Variants in PDZRN3 observed in about 807,000 individuals in gnomAD.
PDZRN3 encodes E3 ubiquitin-protein ligase PDZRN3.
In PDZRN3, 38 loss-of-function variants were observed where a neutral mutation model predicts 85.7. The observed-to-expected ratio is 0.44, with a 90% CI of 0.34 to 0.58. The LOEUF (loss-of-function observed/expected upper bound fraction) is 0.58. Ranked by LOEUF, PDZRN3 falls within the 20% of genes least tolerant of loss-of-function variation. The probability of loss-of-function intolerance (pLI) is 0.01; values close to 1 mark genes in which losing one functional copy is unlikely to be tolerated. For synonymous variants in PDZRN3, 759 were observed against 638.0 expected (o/e 1.19, Z -2.86); for missense variants, 1,629 against 1,506.4 (o/e 1.08, Z -1.35).
intron 3 of PDZRN3, among the ~76,000 whole-genome samples, chr3:73,583,255 T>C (rs927502587): frequency 2.0e-5 from 3 of 152,190 alleles, no homozygotes; most frequent in Non-Finnish European, 4.4e-5. Flanking sequence ...AGCAAAAATA[T>C]CAGAGCTGGG....
intron 3 of PDZRN3, among the ~76,000 whole-genome samples, chr3:73,572,109 A>G (rs1313811452): frequency 6.6e-6 from 1 of 152,210 alleles, no homozygotes; most frequent in East Asian, 1.9e-4. Context: ...AGCTGGAGTG[A>G]ATAGGTGGAA....
chr3:73,488,383 A>C (rs188050961), intron 3 of PDZRN3, among the ~76,000 whole-genome samples: 166 of 152,282 alleles, frequency 1.1e-3, no homozygotes, highest in African/African-American at 3.9e-3. Flanking sequence ...CCTAGTCCCC[A>C]GGCCCCAGTC....
At chr3:73,472,776 G>T in intron 3 of PDZRN3, among the ~76,000 whole-genome samples, 1 of 152,108 alleles carries the variant, frequency 6.6e-6, no homozygotes. Flanking sequence ...ACAAATTATG[G>T]GTAGCTGGTA....
intron 3 of PDZRN3, among the ~76,000 whole-genome samples, chr3:73,563,750 C>A (rs755187616): frequency 3.3e-5 from 5 of 152,166 alleles, no homozygotes; most frequent in African/African-American, 4.8e-5. Context: ...CTGACTCCTG[C>A]TCTACATGCT....
chr3:73,613,997 T>A (rs1439714012), intron 1 of PDZRN3, among the ~76,000 whole-genome samples: 1 of 152,058 alleles, frequency 6.6e-6, no homozygotes, highest in Non-Finnish European at 1.5e-5. Flanking sequence ...ACATGAACCA[T>A]CCAAAGTGCC....
At chr3:73,541,057 G>A (rs995787282) in intron 3 of PDZRN3, among the ~76,000 whole-genome samples, 9 of 152,096 alleles carry the variant, frequency 5.9e-5, no homozygotes, top group African/African-American at 2.2e-4. Context: ...GGGAACTTGT[G>A]GAAAACTTTT....
In PDZRN3 at chr3:73,404,161, G is replaced by C. The variant is rs1701807145; in HGVS notation, c.1153C>G (p.Leu385Val). ...SPSPPVLDPYLLPEEHPSAHE... is the reference protein window; with the variant it reads ...SPSPPVLDPYVLPEEHPSAHE... The stretch of plus-strand genomic sequence containing the variant: ...TAGGTTACTTACTCCTCTGGCAAGA[G>C]ATAGGGATCCAGCACGGGTGGGCTG... Residue 385 changes from leucine (L) to valine (V), a missense_variant, in exon 4 of 10, where the codon CTC becomes GTC. By Grantham distance (32) the Leu-to-Val change is conservative. Coordinates refer to ENST00000263666, the MANE Select transcript of PDZRN3 (RefSeq NM_015009.3). The C allele has an allele frequency of 2.5e-6, 4 of 1,613,912 alleles. No homozygotes were observed. The highest frequency in any genetic ancestry group is 3.4e-6 in the Non-Finnish European group (4 of 1,179,800).
At chr3:73,424,173 C>T (rs1702259564) in intron 3 of PDZRN3, among the ~76,000 whole-genome samples, 1 of 151,726 alleles carries the variant, frequency 6.6e-6, no homozygotes, top group African/African-American at 2.4e-5. Flanking sequence ...CAAGCACAAA[C>T]CAAAAGAAAA....
At position 73,624,286 on chromosome 3, in the gene PDZRN3, CAGCGCGCCCAGGCGGGCCTGG is replaced by C. The variant is rs1345327127; in HGVS notation, c.519_539del (p.Gln174_Leu180del). ...GCGCCTCCTTCTTGAGCGCCTTGTG[CAGCGCGCCCAGGCGGGCCTGG>C]AGCGCGCCGTTGTGCGCCCGCAGCG... is the stretch of plus-strand genomic sequence containing the variant. On this transcript the variant is annotated inframe_deletion, in exon 1 of 10. Coordinates refer to ENST00000263666, the MANE Select transcript of PDZRN3 (RefSeq NM_015009.3). 3.6e-6 allele frequency: 5 copies of C among 1,375,250 alleles called. No homozygotes were observed. The highest frequency in any genetic ancestry group is 3.0e-5 in the East Asian group (1 of 32,802). 85.2% of individuals were successfully genotyped at this position (1,375,250 alleles called of 1,614,324 possible).
At position 73,383,656 on chromosome 3, in the gene PDZRN3, C is replaced by A; in HGVS notation, c.2910G>T (p.Gly970=). 1 of 1,613,106 alleles carries A rather than the reference C, an allele frequency of 6.2e-7. No individual in the cohort carries two copies. Among genetic ancestry groups the A allele is most frequent in the Non-Finnish European group, 8.5e-7 (1 of 1,180,020 alleles). Reference sequence around the variant, plus strand: ...TCCTCTCCTCCTTGCTCCAGTAGCGCCCCATCTTCATCTCGCTCACCGCGT... The same window carrying A: ...TCCTCTCCTCCTTGCTCCAGTAGCGACCCATCTTCATCTCGCTCACCGCGT... ...DDDAVSEMKM[G]RYWSKEERKQ... is the part of the protein sequence containing the mutation. The change falls in exon 10 of 10, where the codon GGG becomes GGT. Residue 970 remains glycine, a synonymous_variant. Coordinates refer to ENST00000263666, the MANE Select transcript of PDZRN3 (RefSeq NM_015009.3).
At position 73,432,278 on chromosome 3, in the gene PDZRN3, C is replaced by T. The variant is rs1242261082; in HGVS notation, c.919-27883G>A. ...ATCACACAAGGGATGGGGGCCAGATCGCCAGTGGTGAAAGCGCTTTTGCCC... is the reference window on the plus strand; with the variant it reads ...ATCACACAAGGGATGGGGGCCAGATTGCCAGTGGTGAAAGCGCTTTTGCCC... On this transcript the variant is annotated intron_variant, in intron 3 of 9. Transcript: ENST00000263666. Among the ~76,000 whole-genome samples, 7 of 152,190 alleles carry T rather than the reference C, an allele frequency of 4.6e-5. No homozygotes were observed. The East Asian group carries it at 7.7e-4, about 17-fold the overall frequency.
chr3:73,428,501 A>G (rs1702363874), intron 3 of PDZRN3, among the ~76,000 whole-genome samples: 1 of 152,230 alleles, frequency 6.6e-6, no homozygotes, highest in African/African-American at 2.4e-5. Flanking sequence ...TTTACAGTGT[A>G]ACATGGGAGG....
At chr3:73,529,285 T>C (rs1218882114) in intron 3 of PDZRN3, among the ~76,000 whole-genome samples, 4 of 152,182 alleles carry the variant, frequency 2.6e-5, no homozygotes, top group African/African-American at 9.7e-5. Context: ...AAGTGTTTGG[T>C]GCCGGCACCC....
At chr3:73,470,836 T>G (rs1450080956) in intron 3 of PDZRN3, among the ~76,000 whole-genome samples, 1 of 152,220 alleles carries the variant, frequency 6.6e-6, no homozygotes, top group African/African-American at 2.4e-5. Context: ...ATTGTTAGTA[T>G]GTGCTATTCT....
chr3:73,499,377 C>T lies in PDZRN3; in HGVS notation c.919-94982G>A, dbSNP rs564359967. Among the ~76,000 whole-genome samples, 15 of 152,302 alleles carry T rather than the reference C, an allele frequency of 9.8e-5. No homozygotes were observed. The South Asian group carries it at 2.3e-3, about 23-fold the overall frequency. ...GACGCTGGTAACTCACATGGCCACACGCTGTGGTTTTCACACATGTAGGCT... is the reference window on the plus strand; with the variant it reads ...GACGCTGGTAACTCACATGGCCACATGCTGTGGTTTTCACACATGTAGGCT... On this transcript the variant is annotated intron_variant, in intron 3 of 9. Coordinates refer to ENST00000263666, the MANE Select transcript of PDZRN3 (RefSeq NM_015009.3).
chr3:73,460,547 A>G (rs1575669031), intron 3 of PDZRN3, among the ~76,000 whole-genome samples: 1 of 152,200 alleles, frequency 6.6e-6, no homozygotes, highest in South Asian at 2.1e-4. Context: ...AAATTTAAAA[A>G]TTCTCCACAG....
At chr3:73,591,453 T>C (rs563421513) in intron 3 of PDZRN3, among the ~76,000 whole-genome samples, 84 of 152,294 alleles carry the variant, frequency 5.5e-4, no homozygotes, top group African/African-American at 1.8e-3. Flanking sequence ...TTAATGCAGA[T>C]ACAAAGGCTC....
At chr3:73,441,433 A>AAAG (rs1324187618) in intron 3 of PDZRN3, among the ~76,000 whole-genome samples, 2 of 149,792 alleles carry the variant, frequency 1.3e-5, no homozygotes, top group African/African-American at 4.9e-5. Flanking sequence ...AAAAAAAAAA[A>AAAG]GTAAAATACA....
At chr3:73,514,176 GA>G (rs1265334497) in intron 3 of PDZRN3, among the ~76,000 whole-genome samples, 1 of 152,180 alleles carries the variant, frequency 6.6e-6, no homozygotes, top group Non-Finnish European at 1.5e-5. Flanking sequence ...AAGGAAGATA[GA>G]AAAAAGATTG....
Sources: allele counts gnomAD v4.1 joint callset (sites outside exome capture counted in the v4.1 genomes callset), GRCh38; gene constraint gnomAD v4.1.1; transcripts MANE v1.5; gene names NCBI Gene and HGNC (gene_info 2026-07-23, HGNC 2026-07-21).